TTLL7: variants seen among roughly 807,000 people sequenced by gnomAD.
TTLL7 encodes the protein tubulin tyrosine ligase like 7, also known as tubulin polyglutamylase TTLL7.
Under a neutral mutation model 120.2 loss-of-function variants are expected in TTLL7, and 53 were observed. That is an observed-to-expected ratio of 0.44 (90% CI 0.35 to 0.55). The LOEUF (loss-of-function observed/expected upper bound fraction) is 0.55. Among genes scored for constraint, TTLL7 ranks in the 20% least tolerant of loss-of-function variants. The pLI, the probability that TTLL7 is intolerant of heterozygous loss-of-function variation, is 0.00. For synonymous variants in TTLL7, 353 were observed against 351.7 expected (o/e 1.00, Z -0.04); for missense variants, 803 against 1,054.7 (o/e 0.76, Z 3.31).
At chr1:83,994,801 G>T (rs1189671072) in intron 1 of TTLL7, among the ~76,000 whole-genome samples, 2 of 152,174 alleles carry the variant, frequency 1.3e-5, no homozygotes, top group African/African-American at 4.8e-5. Context: ...CCCCAAATTA[G>T]AGTGCAAAAG....
chr1:83,899,414 G>C (rs1656514454), intron 18 of TTLL7, among the ~76,000 whole-genome samples: 1 of 151,930 alleles, frequency 6.6e-6, no homozygotes, highest in Non-Finnish European at 1.5e-5. Context: ...TCACAGCCTA[G>C]GAGTAGCATT....
At chr1:83,939,434 T>G (rs1163783278) in intron 7 of TTLL7, among the ~76,000 whole-genome samples, 1 of 152,182 alleles carries the variant, frequency 6.6e-6, no homozygotes, top group Non-Finnish European at 1.5e-5. Context: ...GAACTTTGCA[T>G]TTTTCTTAAA....
chr1:83,952,257 C>G lies in TTLL7; in HGVS notation c.-46G>C. ...AAGCAGTGTGTGCTGCTGTACCAAG[C>G]TCTCAGGAAATCTGGAAATTCCACA... is the stretch of plus-strand genomic sequence containing the variant. On this transcript the variant is annotated 5_prime_UTR_variant, in exon 2 of 21. Coordinates refer to ENST00000260505, the MANE Select transcript of TTLL7 (RefSeq NM_024686.6). The G allele has an allele frequency of 6.2e-7, 1 of 1,610,190 alleles. No individual in the cohort carries two copies. Among genetic ancestry groups the G allele is most frequent in the Non-Finnish European group, 8.5e-7 (1 of 1,178,070 alleles).
Position 83,866,738 on chromosome 1 carries a change from C to T in TTLL7, c.*3224G>A, listed in dbSNP as rs1341087973. 2 of 151,774 alleles carry T rather than the reference C, an allele frequency of 1.3e-5. No homozygotes were observed. The highest frequency in any genetic ancestry group is 4.1e-4 in the South Asian group (2 of 4,826). 9.4% of individuals were successfully genotyped at this position (151,774 alleles called of 1,614,324 possible). A position where few individuals can be genotyped will look rare whatever the true frequency, so the allele number is the denominator to read the frequency against. ...TTACATATTTAAGGTAAATGCAATG[C>T]TACTAAAATAAAAATTTGTTGCTAG... On this transcript the variant is annotated 3_prime_UTR_variant, in exon 21 of 21. Transcript: ENST00000260505.
chr1:83,904,219 T>C, intron 17 of TTLL7, 60 bp from the exon 18 acceptor site: 1 of 1,317,420 alleles, frequency 7.6e-7, no homozygotes. Context: ...TTAAATTAAT[T>C]TGTGTAATGA....
intron 20 of TTLL7, among the ~76,000 whole-genome samples, chr1:83,873,084 T>C (rs536146490): frequency 2.6e-5 from 4 of 152,312 alleles, no homozygotes; most frequent in Non-Finnish European, 5.9e-5. Context: ...ACTCATTTTT[T>C]CAGAAATATG....
intron 7 of TTLL7, 121 bp from the exon 8 acceptor site, chr1:83,938,137 A>G (rs544273495): frequency 2.5e-6 from 2 of 796,460 alleles, no homozygotes; most frequent in South Asian, 1.8e-5. Context: ...ACATAGATGA[A>G]CAATCTCATG....
At chr1:83,929,395 C>A (rs1343924640) in intron 9 of TTLL7, among the ~76,000 whole-genome samples, 165 bp from the exon 10 acceptor site, 1 of 152,140 alleles carries the variant, frequency 6.6e-6, no homozygotes, top group African/African-American at 2.4e-5. Flanking sequence ...TTCTGCATCA[C>A]CCTAGGTCAA....
rs551455563 is a variant in TTLL7 at position 83,872,062 on chromosome 1, G to A, written c.2544-1980C>T. Among the ~76,000 whole-genome samples the A allele has an allele frequency of 1.6e-4, 24 of 152,220 alleles. No homozygotes were observed. The East Asian group carries it at 4.1e-3, about 26-fold the overall frequency. ...TATGTCAATGGAAAATTATAGTTGT[G>A]TTATATGAATTATGTAGAAAGAAAT... On this transcript the variant is annotated intron_variant, in intron 20 of 20. Transcript: ENST00000260505.
rs150769129 is a variant in TTLL7 at position 83,886,406 on chromosome 1, C to A, written c.2370-3270G>T. 1.1e-4 allele frequency among the ~76,000 whole-genome samples: 16 copies of A among 152,074 alleles called. No individual in the cohort carries two copies. In the East Asian group the frequency reaches 2.5e-3, roughly 24 times the overall value. On this transcript the variant is annotated intron_variant, in intron 19 of 20. Transcript: ENST00000260505. ...GGCTGCTGAAGTTTATACATACCAACACAGTAATCACCAACAGAAAGATTA... is the reference window on the plus strand; with the variant it reads ...GGCTGCTGAAGTTTATACATACCAAAACAGTAATCACCAACAGAAAGATTA...
In TTLL7 at chr1:83,932,416, G is replaced by GATATGA. The variant is rs1323188168; in HGVS notation, c.1047+1191_1047+1192insTCATAT. ...GTGTTTTCATATCCAAGGAACGGAG[G>GATATGA]AAGCAAAGGATAAGTAAAACTTCCT... On this transcript the variant is annotated intron_variant, in intron 9 of 20. Transcript: ENST00000260505. Among the ~76,000 whole-genome samples, 459 of 152,238 alleles carry GATATGA rather than the reference G, an allele frequency of 3.0e-3. 2 individuals are homozygous for GATATGA. Among genetic ancestry groups the GATATGA allele is most frequent in the African/African-American group, 0.01 (426 of 41,542 alleles).
chr1:83,952,417 G>GA, intron 1 of TTLL7, 30 bp from the exon 2 acceptor site: 1 of 463,302 alleles, frequency 2.2e-6, no homozygotes, highest in Non-Finnish European at 3.7e-6. Context: ...AGGTCATTTA[G>GA]AAAAAACTTT....
intron 13 of TTLL7, among the ~76,000 whole-genome samples, chr1:83,918,966 G>T (rs938459489): frequency 3.9e-5 from 6 of 151,992 alleles, no homozygotes; most frequent in African/African-American, 1.4e-4. Context: ...ATATTGAGAG[G>T]TCTGACTACC....
In TTLL7 at chr1:83,929,125, G is replaced by C. The variant is rs1432332272; in HGVS notation, c.1142+11C>G. The C allele has an allele frequency of 1.9e-6, 3 of 1,568,280 alleles. No homozygotes were observed. The highest frequency in any genetic ancestry group is 2.3e-5 in the East Asian group (1 of 43,706). On this transcript the variant is annotated intron_variant, in intron 10 of 20. Coordinates refer to ENST00000260505, the MANE Select transcript of TTLL7 (RefSeq NM_024686.6). The stretch of plus-strand genomic sequence containing the variant: ...GAGATAAATGTCCAAAAGATAGAGA[G>C]AGTATTTTACCTTATGTTTAGTAGC...
chr1:83,883,011 T>G lies in TTLL7; in HGVS notation c.2495A>C (p.Asp832Ala), dbSNP rs1338591571. 3 of 1,612,718 alleles carry G rather than the reference T, an allele frequency of 1.9e-6. No homozygotes were observed. The highest frequency in any genetic ancestry group is 2.5e-6 in the Non-Finnish European group (3 of 1,179,198). The change falls in exon 20 of 21, where the codon GAC (aspartate) becomes GCC (alanine). Residue 832 changes from aspartate to alanine, a missense_variant. Physicochemically the swap from Asp to Ala is moderately radical, Grantham distance 126. Around this residue, in one of 3 missense-constraint regions of TTLL7, gnomAD observed 388 missense variants for 450.4 expected, o/e 0.86. Transcript: ENST00000260505. Reference sequence around the variant, plus strand: ...AATGCCTGAAAGTGATCCTCTTTTGTCAGTTGCATATTTGTAAACCACTAG... The same window carrying G: ...AATGCCTGAAAGTGATCCTCTTTTGGCAGTTGCATATTTGTAAACCACTAG... Reference protein sequence around the residue: ...CLLVVYKYATDKRGSLSGIGP... With the variant: ...CLLVVYKYATAKRGSLSGIGP...
intron 20 of TTLL7, among the ~76,000 whole-genome samples, chr1:83,875,577 G>C (rs1323855259): frequency 6.6e-6 from 1 of 151,890 alleles, no homozygotes; most frequent in Non-Finnish European, 1.5e-5. Context: ...GTAGGCTTTA[G>C]ATGTAACACC....
At chr1:83,911,420 A>G in intron 14 of TTLL7, 57 bp from the exon 15 acceptor site, 1 of 1,363,604 alleles carries the variant, frequency 7.3e-7, no homozygotes, top group Non-Finnish European at 1.0e-6. Flanking sequence ...GTTTATTGAT[A>G]TGATTAGTTA....
Position 83,973,286 on chromosome 1 carries a change from T to C in TTLL7, c.-176-20899A>G, listed in dbSNP as rs140215654. Among the ~76,000 whole-genome samples the C allele has an allele frequency of 2.2e-3, 337 of 152,204 alleles. 3 individuals are homozygous for C. Among genetic ancestry groups the C allele is most frequent in the African/African-American group, 7.8e-3 (325 of 41,574 alleles). On this transcript the variant is annotated intron_variant, in intron 1 of 20. Transcript: ENST00000260505. ...CTGTGTATAAATTCATCTTTTTGCA[T>C]GTGATGTCTAGTTGTTCCAGCATGA...
chr1:83,886,513 T>C (rs1654987703), intron 19 of TTLL7, among the ~76,000 whole-genome samples: 2 of 152,052 alleles, frequency 1.3e-5, no homozygotes, highest in South Asian at 4.1e-4. Context: ...GTAGTCTATA[T>C]ATTATGCATA....
Sources: allele counts gnomAD v4.1 joint callset (sites outside exome capture counted in the v4.1 genomes callset), GRCh38; gene constraint gnomAD v4.1.1; regional missense constraint gnomAD v4.1.1; transcripts MANE v1.5; gene names NCBI Gene and HGNC (gene_info 2026-07-23, HGNC 2026-07-21).